Variants in PLAA observed in about 807,000 individuals in gnomAD.
The protein encoded by PLAA is phospholipase A2 activating protein.
PLAA carries 48 observed loss-of-function variants against 84.1 expected under a neutral mutation model. That is an observed-to-expected ratio of 0.57 (90% CI 0.45 to 0.73). The LOEUF (loss-of-function observed/expected upper bound fraction) is 0.73. Ranked by LOEUF, PLAA falls within the 30% of genes least tolerant of loss-of-function variation. The probability of loss-of-function intolerance (pLI) is 0.00; values close to 1 mark genes in which losing one functional copy is unlikely to be tolerated. For synonymous variants in PLAA, 392 were observed against 336.6 expected, an observed-to-expected ratio of 1.16 and a Z score of -1.80; for missense variants, 903 against 954.7, an observed-to-expected ratio of 0.95 and a Z score of 0.71.
At chr9:26,910,644 G>A (rs1328307230) in intron 11 of PLAA, among the ~76,000 whole-genome samples, 1 of 151,926 alleles carries the variant, frequency 6.6e-6, no homozygotes, top group African/African-American at 2.4e-5. Context: ...TTTGGGAATG[G>A]AAGCTTAAAT....
chr9:26,922,609 T>G (rs1321494446), intron 7 of PLAA, among the ~76,000 whole-genome samples: 1 of 152,142 alleles, frequency 6.6e-6, no homozygotes, highest in South Asian at 2.1e-4. Context: ...ACTACGGTCT[T>G]CTGATTTCAA....
chr9:26,913,921 C>A lies in PLAA; in HGVS notation c.1513G>T (p.Ala505Ser), dbSNP rs753410359. Residue 505 changes from alanine to serine, a missense_variant, in exon 11 of 14, where the codon GCA becomes TCA. Transcript: ENST00000397292. ...CCGGCCATGGTAGTTCCCATACTTG[C>A]AGAACCTGGTACATAACGACCAGCA... ...TGAGRYVPGS[A>S]SMGTTMAGVD... The A allele has an allele frequency of 6.2e-7, 1 of 1,612,216 alleles. No individual in the cohort carries two copies. The highest frequency in any genetic ancestry group is 8.5e-7 in the Non-Finnish European group (1 of 1,178,356).
intron 6 of PLAA, among the ~76,000 whole-genome samples, chr9:26,925,583 A>G (rs1353887946): frequency 6.6e-6 from 1 of 152,136 alleles, no homozygotes; most frequent in East Asian, 1.9e-4. Context: ...TTGACTGCAC[A>G]ATTGCAGTAC....
chr9:26,935,884 T>G (rs1186001224), intron 1 of PLAA, among the ~76,000 whole-genome samples: 1 of 151,030 alleles, frequency 6.6e-6, no homozygotes, highest in Non-Finnish European at 1.5e-5. Context: ...TATAATTATA[T>G]ATATCAATGA....
intron 2 of PLAA, among the ~76,000 whole-genome samples, chr9:26,931,799 T>G (rs1825193960): frequency 6.6e-6 from 1 of 152,140 alleles, no homozygotes; most frequent in Non-Finnish European, 1.5e-5. Flanking sequence ...CCCACCACTT[T>G]GGAAGGCCGA....
In PLAA at chr9:26,905,721, C is replaced by T; in HGVS notation, c.2178G>A (p.Leu726=). The T allele has an allele frequency of 1.9e-6, 3 of 1,614,104 alleles. No homozygotes were observed. The highest frequency in any genetic ancestry group is 1.7e-6 in the Non-Finnish European group (2 of 1,179,966). The change falls in exon 14 of 14, where the codon TTG becomes TTA. Residue 726 remains leucine (L), a synonymous_variant. Transcript: ENST00000397292. ...CTTCCAAGATTGTGCTAATTAGTGA[C>T]AAACATTGGGCTTTCCCTTCAATGT... ...DHNIEGKAQC[L]SLISTILEVV...
chr9:26,931,476 C>A (rs1160412459), intron 2 of PLAA, among the ~76,000 whole-genome samples: 1 of 152,154 alleles, frequency 6.6e-6, no homozygotes, highest in African/African-American at 2.4e-5. Flanking sequence ...CTTGAACCCA[C>A]TGATCAATCT....
At chr9:26,940,927 GT>G (rs1198429740) in intron 1 of PLAA, among the ~76,000 whole-genome samples, 1 of 152,110 alleles carries the variant, frequency 6.6e-6, no homozygotes, top group Non-Finnish European at 1.5e-5. Flanking sequence ...GATAGAACAT[GT>G]TTTAAAATCT....
Position 26,923,486 on chromosome 9 carries a change from CA to C in PLAA, c.870-140del. 1.1e-5 allele frequency: 7 copies of C among 635,432 alleles called. No individual in the cohort carries two copies. In the South Asian group the frequency reaches 1.5e-4, roughly 14 times the overall value. The allele number at this position is 635,432 out of a possible 1,614,324, so 39.4% of individuals were successfully genotyped here. A position where few individuals can be genotyped will look rare whatever the true frequency, so the allele number is the denominator to read the frequency against. On this transcript the variant is annotated intron_variant, in intron 6 of 13. Coordinates refer to ENST00000397292, the MANE Select transcript of PLAA (RefSeq NM_001031689.3). ...GCATGTTATTAATTGCTGATTACAGCACTGTGCTGACTTCAGCACATGCTAC... is the reference window on the plus strand; with the variant it reads ...GCATGTTATTAATTGCTGATTACAGCCTGTGCTGACTTCAGCACATGCTAC...
rs1340216883 is a variant in PLAA, at chr9:26,916,303, ACT to A, written c.1486+792_1486+793del. ...CCCAAACTGAGTATACTGTCGAGGA[ACT>A]CTGTCTGAAGATCCAACAACAGCAT... is the stretch of plus-strand genomic sequence containing the variant. On this transcript the variant is annotated intron_variant, in intron 10 of 13. Coordinates refer to ENST00000397292, the MANE Select transcript of PLAA (RefSeq NM_001031689.3). The A allele has an allele frequency of 4.1e-6, 4 of 985,262 alleles. No individual in the cohort carries two copies. The African/African-American group carries it at 5.2e-5, about 13-fold the overall frequency. 61.0% of individuals were successfully genotyped at this position (985,262 alleles called of 1,614,324 possible).
Position 26,935,078 on chromosome 9 carries a change from T to C in PLAA, c.278A>G (p.Asn93Ser), listed in dbSNP as rs1318100344. 7 of 1,610,642 alleles carry C rather than the reference T, an allele frequency of 4.3e-6. No homozygotes were observed. Among genetic ancestry groups the C allele is most frequent in the Non-Finnish European group, 5.9e-6 (7 of 1,178,876 alleles). Reference sequence around the variant, plus strand: ...ACTGTCCAGTGAGAAAATGCATATATTGTGGTCATTTCCACCGGTGGCAAT... The same window carrying C: ...ACTGTCCAGTGAGAAAATGCATATACTGTGGTCATTTCCACCGGTGGCAAT... The part of the protein sequence containing the change: ...GLIATGGNDH[N>S]ICIFSLDSPM... Residue 93 changes from asparagine (N) to serine (S), a missense_variant, in exon 2 of 14, where the codon AAT becomes AGT. Asn to Ser is a conservative substitution (Grantham distance 46). Transcript: ENST00000397292.
At chr9:26,923,608 G>A (rs1030712598) in intron 6 of PLAA, among the ~76,000 whole-genome samples, 3 of 152,294 alleles carry the variant, frequency 2.0e-5, no homozygotes, top group Admixed American at 2.0e-4. Flanking sequence ...ACCATCATAA[G>A]AATCTAGAGC....
At chr9:26,935,753 C>T (rs908031408) in intron 1 of PLAA, among the ~76,000 whole-genome samples, 5 of 151,696 alleles carry the variant, frequency 3.3e-5, no homozygotes, top group African/African-American at 7.3e-5. Flanking sequence ...TCTTGAGCCA[C>T]GCATAAAATA....
At chr9:26,907,617 G>A in intron 13 of PLAA, 1 of 484,604 alleles carries the variant, frequency 2.1e-6, no homozygotes, top group Admixed American at 4.3e-5. Flanking sequence ...TGCATATATG[G>A]GGATCATATA....
chr9:26,935,232 T>A (rs369570161), intron 1 of PLAA, 26 bp from the exon 2 acceptor site: 2 of 1,424,540 alleles, frequency 1.4e-6, no homozygotes, highest in Non-Finnish European at 1.9e-6. Context: ...AATTAATAGA[T>A]ACATATTCGT....
intron 12 of PLAA, among the ~76,000 whole-genome samples, chr9:26,908,710 G>C (rs767114754): frequency 6.6e-5 from 10 of 152,002 alleles, no homozygotes; most frequent in Non-Finnish European, 1.3e-4. Context: ...CTGACCTCAA[G>C]TGACCCACCT....
At chr9:26,944,133 G>C (rs149850623) in intron 1 of PLAA, among the ~76,000 whole-genome samples, 2 of 152,124 alleles carry the variant, frequency 1.3e-5, no homozygotes, top group Non-Finnish European at 2.9e-5. Context: ...GACTGGGTTA[G>C]AGAGTGGCTT....
chr9:26,939,164 G>A (rs964205141), intron 1 of PLAA, among the ~76,000 whole-genome samples: 6 of 152,070 alleles, frequency 3.9e-5, no homozygotes, highest in Non-Finnish European at 7.4e-5. Context: ...TGAGGCCGGC[G>A]GATCACAAGG....
intron 6 of PLAA, among the ~76,000 whole-genome samples, chr9:26,924,294 CTAAT>C (rs1201092580): frequency 1.9e-4 from 29 of 152,146 alleles, no homozygotes; most frequent in African/African-American, 6.5e-4. Context: ...CCATGCCCAG[CTAAT>C]TAAATATTTT....
Sources: allele counts gnomAD v4.1 joint callset (sites outside exome capture counted in the v4.1 genomes callset), GRCh38; gene constraint gnomAD v4.1.1; transcripts MANE v1.5; gene names NCBI Gene and HGNC (gene_info 2026-07-23, HGNC 2026-07-21).